KCNIP4: variants seen among roughly 807,000 people sequenced by gnomAD.
KCNIP4 encodes the protein Kv channel-interacting protein 4.
KCNIP4 carries 12 observed loss-of-function variants against 34.0 expected under a neutral mutation model. That is an observed-to-expected ratio of 0.35 (90% CI 0.23 to 0.57). KCNIP4 has a LOEUF of 0.57. Ranked by LOEUF, KCNIP4 falls within the 20% of genes least tolerant of loss-of-function variation. The pLI is 0.83. For synonymous variants in KCNIP4, 124 were observed against 102.2 expected, an observed-to-expected ratio of 1.21 and a Z score of -1.29; for missense variants, 238 against 311.7, an observed-to-expected ratio of 0.76 and a Z score of 1.78.
chr4:21,203,128 T>C (rs1420469007), intron 1 of KCNIP4, among the ~76,000 whole-genome samples: 3 of 152,180 alleles, frequency 2.0e-5, no homozygotes, highest in East Asian at 1.9e-4. Context: ...CTCATGCAGG[T>C]TCTGAAAAAT....
At chr4:20,910,455 C>A (rs1434874661) in intron 1 of KCNIP4, among the ~76,000 whole-genome samples, 1 of 152,102 alleles carries the variant, frequency 6.6e-6, no homozygotes, top group Non-Finnish European at 1.5e-5. Context: ...TTCTGCCTAG[C>A]CTCCTTCAAC....
At chr4:20,739,998 T>C (rs1042673403) in intron 5 of KCNIP4, among the ~76,000 whole-genome samples, 6 of 152,052 alleles carry the variant, frequency 3.9e-5, no homozygotes, top group African/African-American at 7.2e-5. Flanking sequence ...GTATCAGTGA[T>C]TGAAGATCAA....
intron 1 of KCNIP4, among the ~76,000 whole-genome samples, chr4:20,940,334 C>T (rs996772423): frequency 2.0e-5 from 3 of 152,332 alleles, no homozygotes; most frequent in South Asian, 2.1e-4. Flanking sequence ...GTCTCCTCAA[C>T]AGCCTTTGAG....
At chr4:20,933,447 G>C (rs1730697748) in intron 1 of KCNIP4, among the ~76,000 whole-genome samples, 1 of 152,134 alleles carries the variant, frequency 6.6e-6, no homozygotes. Flanking sequence ...GAAATCCATA[G>C]AGTAGCACCT....
intron 3 of KCNIP4, among the ~76,000 whole-genome samples, chr4:20,807,493 G>GT (rs35419940): frequency 0.047 from 7,187 of 151,600 alleles, 214 homozygotes; most frequent in South Asian, 0.082. Flanking sequence ...AATTTTAATT[G>GT]TTAAAAAAAA....
intron 1 of KCNIP4, among the ~76,000 whole-genome samples, chr4:21,037,370 G>T (rs1741544677): frequency 6.6e-6 from 1 of 152,090 alleles, no homozygotes; most frequent in African/African-American, 2.4e-5. Context: ...CCCTGCATAG[G>T]TCTACCATTT....
At chr4:21,577,803 C>T (rs1433111698) in intron 1 of KCNIP4, among the ~76,000 whole-genome samples, 9 of 152,128 alleles carry the variant, frequency 5.9e-5, no homozygotes, top group Admixed American at 5.2e-4. Context: ...CCAGAAGATA[C>T]CTTTCATTCC....
intron 1 of KCNIP4, among the ~76,000 whole-genome samples, chr4:21,940,229 G>A (rs1040915870): frequency 6.6e-6 from 1 of 152,090 alleles, no homozygotes; most frequent in South Asian, 2.1e-4. Flanking sequence ...AATTGGTAGA[G>A]GGTAGGAAGA....
chr4:21,833,358 T>C (rs994713816), intron 1 of KCNIP4, among the ~76,000 whole-genome samples: 3 of 152,214 alleles, frequency 2.0e-5, no homozygotes, highest in African/African-American at 7.2e-5. Flanking sequence ...TGAGCATTTT[T>C]TCATGTGTTT....
intron 1 of KCNIP4, among the ~76,000 whole-genome samples, chr4:20,920,707 TGG>T (rs1170223363): frequency 6.6e-6 from 1 of 151,986 alleles, no homozygotes; most frequent in Non-Finnish European, 1.5e-5. Context: ...AAGATAAGCT[TGG>T]GGCCGGGCAC....
intron 1 of KCNIP4, among the ~76,000 whole-genome samples, chr4:20,911,384 A>G (rs537187500): frequency 1.3e-5 from 2 of 152,318 alleles, no homozygotes; most frequent in African/African-American, 4.8e-5. Context: ...CCATGCTTAC[A>G]AATTTTATAT....
chr4:21,688,277 A>G (rs1750965140), intron 1 of KCNIP4, among the ~76,000 whole-genome samples: 1 of 152,180 alleles, frequency 6.6e-6, no homozygotes, highest in African/African-American at 2.4e-5. Flanking sequence ...CACTCAAAGA[A>G]AATGCTCAGT....
rs113971507 is a variant in KCNIP4, at chr4:20,748,125, A to G, written c.429+1537T>C. Among the ~76,000 whole-genome samples, 1,213 of 152,228 alleles carry G rather than the reference A, an allele frequency of 8.0e-3. 9 individuals are homozygous for G. The highest frequency in any genetic ancestry group is 0.013 in the Non-Finnish European group (918 of 68,018). ...CTCTGATAAATTCACATCCCTGCCA[A>G]AAATTCTACAAAGGCTCCTCATCTC... is the stretch of plus-strand genomic sequence containing the variant. On this transcript the variant is annotated intron_variant, in intron 5 of 8. Transcript: ENST00000382152.
In KCNIP4 at chr4:21,270,339, C is replaced by T. The variant is rs138432023; in HGVS notation, c.62-387630G>A. On this transcript the variant is annotated intron_variant, in intron 1 of 8. Coordinates refer to ENST00000382152, the MANE Select transcript of KCNIP4 (RefSeq NM_025221.6). Reference sequence around the variant, plus strand: ...CCCTCAGCTGCCAAGGAAAACAATTCTGCAGAACCCAGAAGTATTGCTAAT... The same window carrying T: ...CCCTCAGCTGCCAAGGAAAACAATTTTGCAGAACCCAGAAGTATTGCTAAT... Among the ~76,000 whole-genome samples, 784 of 152,286 alleles carry T rather than the reference C, an allele frequency of 5.1e-3. 15 individuals carry two copies. Among genetic ancestry groups the T allele is most frequent in the African/African-American group, 0.018 (737 of 41,568 alleles).
intron 1 of KCNIP4, among the ~76,000 whole-genome samples, chr4:21,121,022 C>T (rs566931625): frequency 1.1e-3 from 165 of 152,252 alleles, no homozygotes; most frequent in Non-Finnish European, 1.5e-3. Context: ...TGACAGTTTG[C>T]CCCACTGTGT....
chr4:21,498,340 A>G (rs542182407), intron 1 of KCNIP4, among the ~76,000 whole-genome samples: 27 of 152,290 alleles, frequency 1.8e-4, no homozygotes, highest in African/African-American at 6.3e-4. Flanking sequence ...GTGCCTCACA[A>G]CAGCTGAAAG....
chr4:21,475,153 G>A (rs1396151668), intron 1 of KCNIP4, among the ~76,000 whole-genome samples: 1 of 152,030 alleles, frequency 6.6e-6, no homozygotes, highest in Non-Finnish European at 1.5e-5. Flanking sequence ...GAGTTTAACA[G>A]GCCAATATAT....
intron 1 of KCNIP4, among the ~76,000 whole-genome samples, chr4:21,150,147 G>A (rs1224414963): frequency 1.3e-5 from 2 of 152,188 alleles, no homozygotes; most frequent in Non-Finnish European, 2.9e-5. Flanking sequence ...GAGATGGTAT[G>A]AGACTTTTCA....
intron 1 of KCNIP4, among the ~76,000 whole-genome samples, chr4:21,583,070 T>A: frequency 6.6e-6 from 1 of 151,982 alleles, no homozygotes; most frequent in East Asian, 1.9e-4. Flanking sequence ...CAGACTCATG[T>A]CCATGCTTAT....
Sources: gnomAD v4.1 joint callset for allele counts (sites outside exome capture counted in the v4.1 genomes callset) on GRCh38, gnomAD v4.1.1 for gene constraint, MANE v1.5 for transcripts, NCBI Gene and HGNC (gene_info 2026-07-23, HGNC 2026-07-21) for gene names.